AJAP1: variants seen among roughly 807,000 people sequenced by gnomAD.
The protein encoded by AJAP1 is adherens junction-associated protein 1.
Under a neutral mutation model 35.0 loss-of-function variants are expected in AJAP1, and 5 were observed. That is an observed-to-expected ratio of 0.14 (90% confidence interval 0.07 to 0.30). The LOEUF (loss-of-function observed/expected upper bound fraction) is 0.30. Among genes scored for constraint, AJAP1 ranks in the 10% least tolerant of loss-of-function variants. The pLI, the probability that AJAP1 is intolerant of heterozygous loss-of-function variation, is 1.00. For synonymous variants in AJAP1, 284 were observed against 249.3 expected (o/e 1.14, Z -1.31); for missense variants, 586 against 571.0 (o/e 1.03, Z -0.27).
chr1:4,749,555 T>G (rs573830692), intron 2 of AJAP1, among the ~76,000 whole-genome samples: 9 of 152,066 alleles, frequency 5.9e-5, no homozygotes, highest in Admixed American at 5.9e-4. Flanking sequence ...TCCACGGACG[T>G]GGGGAGGCAC....
chr1:4,748,459 G>A (rs180676976), intron 2 of AJAP1, among the ~76,000 whole-genome samples: 2 of 152,188 alleles, frequency 1.3e-5, no homozygotes, highest in Non-Finnish European at 2.9e-5. Context: ...AAATGGAACA[G>A]GGCTCTGGCT....
At chr1:4,711,699 C>A (rs1272272368) in intron 1 of AJAP1, among the ~76,000 whole-genome samples, 3 of 152,182 alleles carry the variant, frequency 2.0e-5, no homozygotes, top group African/African-American at 7.2e-5. Flanking sequence ...ACCCTCGCAG[C>A]GCGCGCTGTT....
chr1:4,670,778 TA>T (rs1369550042), intron 1 of AJAP1, among the ~76,000 whole-genome samples: 1 of 152,210 alleles, frequency 6.6e-6, no homozygotes, highest in East Asian at 1.9e-4. Flanking sequence ...TTAAGCAAAT[TA>T]ACTGCAACAC....
At chr1:4,709,472 G>A (rs969436485) in intron 1 of AJAP1, among the ~76,000 whole-genome samples, 3 of 152,090 alleles carry the variant, frequency 2.0e-5, no homozygotes, top group Non-Finnish European at 4.4e-5. Flanking sequence ...GTGAGGCCTG[G>A]TGGAGCCTGA....
In AJAP1 at chr1:4,791,989, A is replaced by T. The variant is rs1328821705; in HGVS notation, c.*9504A>T. The T allele has an allele frequency of 6.6e-6, 1 of 152,168 alleles. No individual in the cohort carries two copies. The allele number at this position is 152,168 out of a possible 1,614,324, so 9.4% of individuals were successfully genotyped here. ...CAACGGCCACATGGCCTCTTTTTTCACAGGTTTTGCATTGAATGTTTTAGA... is the reference window on the plus strand; with the variant it reads ...CAACGGCCACATGGCCTCTTTTTTCTCAGGTTTTGCATTGAATGTTTTAGA... On this transcript the variant is annotated 3_prime_UTR_variant, in exon 6 of 6. Coordinates refer to ENST00000378191, the MANE Select transcript of AJAP1 (RefSeq NM_018836.4).
chr1:4,747,399 C>T (rs561393888), intron 2 of AJAP1, among the ~76,000 whole-genome samples: 16 of 152,232 alleles, frequency 1.1e-4, no homozygotes, highest in South Asian at 4.1e-4. Context: ...TCTCTTGCTG[C>T]TGTCTTGCAG....
rs936859608 is a variant in AJAP1, at chr1:4,688,287, G to T, written c.30-23613G>T. Among the ~76,000 whole-genome samples the T allele has an allele frequency of 2.0e-5, 3 of 152,310 alleles. No homozygotes were observed. The South Asian group carries it at 6.2e-4, about 32-fold the overall frequency. ...TACTCACTGTGACCACACGGGGCTG[G>T]TGTCATCCAAGAGAGACAGTGAGAG... On this transcript the variant is annotated intron_variant, in intron 1 of 5. Transcript: ENST00000378191.
chr1:4,738,772 CA>C (rs1640990604), intron 2 of AJAP1, among the ~76,000 whole-genome samples: 1 of 152,098 alleles, frequency 6.6e-6, no homozygotes, highest in Admixed American at 6.5e-5. Flanking sequence ...GATTCCACTC[CA>C]GGGGGAAATG....
intron 1 of AJAP1, among the ~76,000 whole-genome samples, chr1:4,690,058 A>G (rs1308983100): frequency 1.3e-5 from 2 of 151,766 alleles, no homozygotes; most frequent in African/African-American, 4.8e-5. Flanking sequence ...CTGGCCAACG[A>G]TGGATGCATT....
chr1:4,735,663 G>A (rs1315533082), intron 2 of AJAP1, among the ~76,000 whole-genome samples: 4 of 19,522 alleles, frequency 2.0e-4, no homozygotes, highest in African/African-American at 5.7e-4. Context: ...TGTGTGAGGT[G>A]TGAGGTGAGC....
In AJAP1 at chr1:4,784,069, T is replaced by G. The variant is rs543970564; in HGVS notation, c.*1584T>G. The G allele has an allele frequency of 6.6e-6, 1 of 152,294 alleles. No homozygotes were observed. Among genetic ancestry groups the G allele is most frequent in the East Asian group, 1.9e-4 (1 of 5,166 alleles). The allele number at this position is 152,294 out of a possible 1,614,324, so 9.4% of individuals were successfully genotyped here. A position where few individuals can be genotyped will look rare whatever the true frequency, so the allele number is the denominator to read the frequency against. On this transcript the variant is annotated 3_prime_UTR_variant, in exon 6 of 6. Coordinates refer to ENST00000378191, the MANE Select transcript of AJAP1 (RefSeq NM_018836.4). The stretch of plus-strand genomic sequence containing the variant: ...CATTGGCCGATGGATGTTTCTGTTT[T>G]GTCACCGAGAATCCTACTATAAACT...
At chr1:4,780,668 G>C (rs1454397873) in intron 5 of AJAP1, among the ~76,000 whole-genome samples, 6 of 125,562 alleles carry the variant, frequency 4.8e-5, no homozygotes, top group Non-Finnish European at 9.5e-5. Flanking sequence ...GCCTCACTCT[G>C]TTGCCCAGGC....
At chr1:4,710,454 C>T (rs1186562278) in intron 1 of AJAP1, among the ~76,000 whole-genome samples, 1 of 125,510 alleles carries the variant, frequency 8.0e-6, no homozygotes, top group East Asian at 2.5e-4. Flanking sequence ...CACCCAGTCA[C>T]ACACGTACAC....
At position 4,763,667 on chromosome 1, in the gene AJAP1, C is replaced by T. The variant is rs1013533325; in HGVS notation, c.830-6186C>T. Among the ~76,000 whole-genome samples the T allele has an allele frequency of 2.2e-4, 33 of 152,232 alleles. 1 individual carries two copies. The South Asian group carries it at 6.6e-3, about 31-fold the overall frequency. Reference sequence around the variant, plus strand: ...GTATCCAATCTGTTGAGGGCCCAGGCAGAACCAAAAAGACAAAGAAAGGGC... The same window carrying T: ...GTATCCAATCTGTTGAGGGCCCAGGTAGAACCAAAAAGACAAAGAAAGGGC... On this transcript the variant is annotated intron_variant, in intron 2 of 5. Coordinates refer to ENST00000378191, the MANE Select transcript of AJAP1 (RefSeq NM_018836.4).
chr1:4,788,369 C>G lies in AJAP1; in HGVS notation c.*5884C>G, dbSNP rs1171462698. On this transcript the variant is annotated 3_prime_UTR_variant, in exon 6 of 6. Coordinates refer to ENST00000378191, the MANE Select transcript of AJAP1 (RefSeq NM_018836.4). ...AGAGAACTGCTATCTTTTAAACCAC[C>G]CCAGCCCTCAGTCGAACAGAAAGAA... 1 of 152,240 alleles carries G rather than the reference C, an allele frequency of 6.6e-6. No individual in the cohort carries two copies. The highest frequency in any genetic ancestry group is 2.4e-5 in the African/African-American group (1 of 41,414). 9.4% of individuals were successfully genotyped at this position (152,240 alleles called of 1,614,324 possible).
At chr1:4,733,653 C>T (rs571367845) in intron 2 of AJAP1, among the ~76,000 whole-genome samples, 40 of 151,800 alleles carry the variant, frequency 2.6e-4, no homozygotes, top group Non-Finnish European at 4.4e-4. Flanking sequence ...GCTCCGAGCG[C>T]GGGAAATCCC....
intron 1 of AJAP1, among the ~76,000 whole-genome samples, chr1:4,662,232 T>C (rs1418884984): frequency 6.6e-6 from 1 of 152,224 alleles, no homozygotes; most frequent in East Asian, 1.9e-4. Context: ...TCCCTTTTGC[T>C]GTTTGTAGCA....
intron 2 of AJAP1, among the ~76,000 whole-genome samples, chr1:4,715,023 C>T (rs1640356472): frequency 6.6e-6 from 1 of 152,030 alleles, no homozygotes; most frequent in African/African-American, 2.4e-5. Context: ...ATCTGAAGTC[C>T]CAAGTAGAGG....
intron 2 of AJAP1, among the ~76,000 whole-genome samples, chr1:4,743,722 C>T (rs973090658): frequency 6.6e-5 from 10 of 152,218 alleles, no homozygotes; most frequent in Non-Finnish European, 2.9e-5. Context: ...CTCTGTGCAG[C>T]TGGGACAGAT....
Sources: allele counts gnomAD v4.1 joint callset (sites outside exome capture counted in the v4.1 genomes callset), GRCh38; gene constraint gnomAD v4.1.1; transcripts MANE v1.5; gene names NCBI Gene and HGNC (gene_info 2026-07-23, HGNC 2026-07-21).